Variants in ITPR1 observed in about 807,000 individuals in gnomAD.
The protein encoded by ITPR1 is inositol 1,4,5-trisphosphate receptor type 1.
A neutral mutation model predicts 318.4 loss-of-function variants in ITPR1; 96 were observed. That is an observed-to-expected ratio of 0.30 (90% CI 0.26 to 0.36). ITPR1 has a LOEUF of 0.36. Ranked by LOEUF, ITPR1 falls within the 10% of genes least tolerant of loss-of-function variation. ITPR1 has a pLI of 1.00. For synonymous variants in ITPR1, 1,312 were observed against 1,289.9 expected (o/e 1.02, Z -0.37); for missense variants, 2,440 against 3,460.2 (o/e 0.71, Z 7.40).
At chr3:4,822,785 C>A (rs904399177) in intron 60 of ITPR1, among the ~76,000 whole-genome samples, 1 of 152,174 alleles carries the variant, frequency 6.6e-6, no homozygotes, top group Non-Finnish European at 1.5e-5. Context: ...CGCTCATTCC[C>A]CGAGATGCAA....
At chr3:4,814,376 C>G (rs1405807331) in intron 57 of ITPR1, 47 bp from the exon 58 acceptor site, 2 of 1,608,460 alleles carry the variant, frequency 1.2e-6, no homozygotes, top group African/African-American at 2.7e-5. Flanking sequence ...CCCGGTCTCT[C>G]TTTTCTCCTC....
chr3:4,585,641 T>C (rs2089815504), intron 4 of ITPR1, among the ~76,000 whole-genome samples: 2 of 152,138 alleles, frequency 1.3e-5, no homozygotes, highest in African/African-American at 2.4e-5. Context: ...TTCAGCATGT[T>C]GGCCAGGCTG....
chr3:4,719,268 C>T (rs978879922), intron 40 of ITPR1, among the ~76,000 whole-genome samples: 5 of 152,240 alleles, frequency 3.3e-5, no homozygotes, highest in African/African-American at 7.2e-5. Context: ...TCCCCTTCTG[C>T]GTTGTTCCCC....
chr3:4,496,118 G>A (rs1458851019), intron 2 of ITPR1, among the ~76,000 whole-genome samples: 1 of 152,190 alleles, frequency 6.6e-6, no homozygotes, highest in Non-Finnish European at 1.5e-5. Context: ...CCTCCTAGCT[G>A]AAATACATCT....
chr3:4,578,394 T>C (rs1231159711), intron 4 of ITPR1, among the ~76,000 whole-genome samples: 2 of 152,168 alleles, frequency 1.3e-5, no homozygotes, highest in Non-Finnish European at 2.9e-5. Context: ...GGATTAATTG[T>C]GTATAGGCCT....
chr3:4,768,625 A>G lies in ITPR1; in HGVS notation c.5840A>G (p.His1947Arg), dbSNP rs763857989. ...TFRREADPDDHYQPGEGTQAT... is the reference protein window; with the variant it reads ...TFRREADPDDRYQPGEGTQAT... ...AGGAGGGAGGCTGATCCCGACGACCACTACCAGCCTGGAGAGGGCACCCAG... is the reference window on the plus strand; with the variant it reads ...AGGAGGGAGGCTGATCCCGACGACCGCTACCAGCCTGGAGAGGGCACCCAG... Residue 1947 changes from histidine to arginine, a missense_variant, in exon 46 of 62, where the codon CAC (histidine) becomes CGC (arginine). His to Arg is a conservative substitution (Grantham distance 29). This residue lies in a region of ITPR1 where 113 missense variants were observed against 103.6 expected (regional missense o/e 1.09). Transcript: ENST00000649015. The G allele has an allele frequency of 6.2e-7, 1 of 1,614,046 alleles. No homozygotes were observed. The highest frequency in any genetic ancestry group is 1.3e-5 in the African/African-American group (1 of 75,060).
At chr3:4,515,545 C>G (rs1056794497) in intron 2 of ITPR1, among the ~76,000 whole-genome samples, 1 of 152,200 alleles carries the variant, frequency 6.6e-6, no homozygotes, top group Admixed American at 6.5e-5. Context: ...TCCCACATAA[C>G]TGAGTTTGTT....
chr3:4,630,032 C>A (rs2092964470), intron 5 of ITPR1, among the ~76,000 whole-genome samples: 1 of 151,944 alleles, frequency 6.6e-6, no homozygotes, highest in Non-Finnish European at 1.5e-5. Flanking sequence ...TATTATATGG[C>A]TTTATGAACA....
intron 2 of ITPR1, among the ~76,000 whole-genome samples, chr3:4,506,402 A>G (rs946727920): frequency 1.3e-5 from 2 of 151,602 alleles, no homozygotes; most frequent in African/African-American, 4.9e-5. Context: ...TTTTTTTTGC[A>G]TGACTGCCTC....
At chr3:4,610,028 C>CTGTATCAAGAAGTCTG (rs1374289211) in intron 4 of ITPR1, among the ~76,000 whole-genome samples, 1 of 152,094 alleles carries the variant, frequency 6.6e-6, no homozygotes, top group East Asian at 1.9e-4. Flanking sequence ...ACATGGTGGG[C>CTGTATCAAGAAGTCTG]TGTATCAAGA....
chr3:4,605,375 G>A (rs1462492797), intron 4 of ITPR1, among the ~76,000 whole-genome samples: 2 of 152,154 alleles, frequency 1.3e-5, no homozygotes, highest in African/African-American at 4.8e-5. Flanking sequence ...GATACTGATT[G>A]GAGGGTAGAA....
At chr3:4,662,047 A>G (rs1232342479) in intron 14 of ITPR1, 35 bp from the exon 15 acceptor site, 2 of 1,589,448 alleles carry the variant, frequency 1.3e-6, no homozygotes, top group African/African-American at 1.3e-5. Flanking sequence ...TTCCCATCCA[A>G]GAGATTATCT....
intron 16 of ITPR1, among the ~76,000 whole-genome samples, chr3:4,664,713 G>C (rs1305491994): frequency 6.6e-6 from 1 of 152,226 alleles, no homozygotes; most frequent in Non-Finnish European, 1.5e-5. Flanking sequence ...CTGGGCACTA[G>C]TGCGACTTAA....
chr3:4,588,702 A>G (rs1344579602), intron 4 of ITPR1, among the ~76,000 whole-genome samples: 2 of 152,092 alleles, frequency 1.3e-5, no homozygotes, highest in Non-Finnish European at 2.9e-5. Flanking sequence ...CAACTTTCTA[A>G]GTGACACTTC....
Position 4,581,773 on chromosome 3 carries a change from A to G in ITPR1, c.164-45990A>G, listed in dbSNP as rs142321600. The stretch of plus-strand genomic sequence containing the variant: ...GCCCAAGAACTAGTTTTGCAAGGTC[A>G]TTCTGAGGCTTTTCTGGTGTTGGAG... On this transcript the variant is annotated intron_variant, in intron 4 of 61. Transcript: ENST00000649015. 9.4e-3 allele frequency among the ~76,000 whole-genome samples: 1,435 copies of G among 152,308 alleles called. 20 individuals are homozygous for G. Among genetic ancestry groups the G allele is most frequent in the African/African-American group, 0.033 (1,354 of 41,562 alleles).
At chr3:4,738,645 A>G (rs1287723338) in intron 44 of ITPR1, among the ~76,000 whole-genome samples, 1 of 152,214 alleles carries the variant, frequency 6.6e-6, no homozygotes, top group African/African-American at 2.4e-5. Flanking sequence ...GTGAGATGCC[A>G]TGTTTTTCAC....
intron 4 of ITPR1, among the ~76,000 whole-genome samples, chr3:4,577,306 G>A (rs139536115): frequency 5.9e-5 from 9 of 152,314 alleles, no homozygotes; most frequent in East Asian, 1.9e-4. Context: ...TATTTGGATC[G>A]TGTACAGCAG....
chr3:4,523,319 T>C (rs1418027865), intron 4 of ITPR1, among the ~76,000 whole-genome samples: 1 of 152,216 alleles, frequency 6.6e-6, no homozygotes, highest in Non-Finnish European at 1.5e-5. Context: ...AAATTTTGTT[T>C]TTTAAATCGA....
intron 55 of ITPR1, among the ~76,000 whole-genome samples, chr3:4,809,292 T>A (rs2106483167): frequency 6.6e-6 from 1 of 152,340 alleles, no homozygotes; most frequent in African/African-American, 2.4e-5. Context: ...TATGGAGGCA[T>A]GTATAGAAGT....
Sources: gnomAD v4.1 joint callset for allele counts (sites outside exome capture counted in the v4.1 genomes callset) on GRCh38, gnomAD v4.1.1 for gene constraint, gnomAD v4.1.1 regional missense constraint, MANE v1.5 for transcripts, NCBI Gene and HGNC (gene_info 2026-07-23, HGNC 2026-07-21) for gene names.